The following CCDC73 variants were observed in gnomAD, a reference collection of about 807,000 sequenced individuals.
CCDC73 encodes coiled-coil domain containing 73, also known as coiled-coil domain-containing protein 73.
CCDC73 carries 95 observed loss-of-function variants against 116.5 expected under a neutral mutation model. The ratio of observed to expected loss-of-function variants is 0.82; its 90% CI spans 0.69 to 0.97. CCDC73 has a LOEUF of 0.97. Among genes scored for constraint, CCDC73 ranks in the 50% least tolerant of loss-of-function variants. CCDC73 has a pLI of 0.00. For missense variants in CCDC73, 1,066 were observed against 1,206.8 expected (o/e 0.88, Z 1.73); for synonymous variants, 398 against 401.3 (o/e 0.99, Z 0.10).
Position 32,626,345 on chromosome 11 carries a change from G to C in CCDC73, c.1185+9351C>G, listed in dbSNP as rs570914897. The stretch of plus-strand genomic sequence containing the variant: ...TAAAAGAGGATACAAACAAATGGAA[G>C]AACATTCCATGCTCATGGGTAGGAA... On this transcript the variant is annotated intron_variant, in intron 14 of 17. Transcript: ENST00000335185. Among the ~76,000 whole-genome samples the C allele has an allele frequency of 1.4e-3, 214 of 151,870 alleles. 1 individual carries two copies. The highest frequency in any genetic ancestry group is 3.4e-3 in the Middle Eastern group (1 of 294).
intron 14 of CCDC73, among the ~76,000 whole-genome samples, chr11:32,629,418 CTTT>C (rs35714596): frequency 2.1e-5 from 3 of 142,480 alleles, no homozygotes; most frequent in Non-Finnish European, 1.5e-5. Context: ...TATAAAGACA[CTTT>C]TTTTTTTTTT....
At chr11:32,730,242 A>G (rs1293358194) in intron 2 of CCDC73, among the ~76,000 whole-genome samples, 1 of 152,342 alleles carries the variant, frequency 6.6e-6, no homozygotes, top group East Asian at 1.9e-4. Flanking sequence ...TGCATTCCAC[A>G]TAGCAAACCC....
chr11:32,772,870 G>A (rs766243809), intron 1 of CCDC73, among the ~76,000 whole-genome samples: 1 of 152,146 alleles, frequency 6.6e-6, no homozygotes, highest in East Asian at 1.9e-4. Context: ...ATAAAATGGT[G>A]CAACCAGAAA....
intron 13 of CCDC73, among the ~76,000 whole-genome samples, chr11:32,637,010 TC>T (rs369733864): frequency 1.1e-3 from 91 of 85,206 alleles, no homozygotes; most frequent in Non-Finnish European, 2.0e-3. Flanking sequence ...TTTCACTTTT[TC>T]TTTTTCTTTT....
intron 4 of CCDC73, 26 bp from the exon 5 acceptor site, chr11:32,700,852 A>T: frequency 7.5e-7 from 1 of 1,328,818 alleles, no homozygotes. Context: ...AAAAATTAAA[A>T]TAAAGGGATC....
At chr11:32,754,902 T>C (rs1247892530) in intron 2 of CCDC73, among the ~76,000 whole-genome samples, 1 of 142,588 alleles carries the variant, frequency 7.0e-6, no homozygotes, top group Non-Finnish European at 1.5e-5. Flanking sequence ...TTTTTTTTTT[T>C]TCTGAGACAG....
At chr11:32,627,862 C>T (rs1013684480) in intron 14 of CCDC73, among the ~76,000 whole-genome samples, 22 of 152,176 alleles carry the variant, frequency 1.4e-4, no homozygotes, top group Non-Finnish European at 2.6e-4. Context: ...GGAGATATAC[C>T]TAATGTTAAA....
intron 9 of CCDC73, among the ~76,000 whole-genome samples, chr11:32,655,718 G>A (rs1324863631): frequency 6.6e-6 from 1 of 152,068 alleles, no homozygotes; most frequent in Non-Finnish European, 1.5e-5. Context: ...AAACAAAATG[G>A]GGAATTAACC....
rs1855290025 is a variant in CCDC73, at chr11:32,602,756, A to G, written c.*55T>C. On this transcript the variant is annotated 3_prime_UTR_variant, in exon 18 of 18. Transcript: ENST00000335185. ...TACAACAGTCATTTTATTCTAGTAA[A>G]AACTATACCAGAATTTCAGTTACAT... is the stretch of plus-strand genomic sequence containing the variant. 4 of 1,279,128 alleles carry G rather than the reference A, an allele frequency of 3.1e-6. No individual in the cohort carries two copies. Among genetic ancestry groups the G allele is most frequent in the Non-Finnish European group, 3.2e-6 (3 of 934,062 alleles). 79.2% of individuals were successfully genotyped at this position (1,279,128 alleles called of 1,614,324 possible). A position where few individuals can be genotyped will look rare whatever the true frequency, so the allele number is the denominator to read the frequency against.
intron 16 of CCDC73, among the ~76,000 whole-genome samples, chr11:32,612,304 A>C (rs1354938653): frequency 1.3e-5 from 2 of 152,204 alleles, no homozygotes; most frequent in African/African-American, 2.4e-5. Context: ...TGAGATTGCT[A>C]TTAAAAGAAA....
At chr11:32,655,025 C>CGTTTT (rs1397900078) in intron 9 of CCDC73, 53 bp from the exon 10 acceptor site, 1 of 1,072,782 alleles carries the variant, frequency 9.3e-7, no homozygotes, top group Non-Finnish European at 1.2e-6. Context: ...TTCACTAAAA[C>CGTTTT]AAGGTACTTT....
intron 14 of CCDC73, among the ~76,000 whole-genome samples, chr11:32,622,356 A>G (rs543045166): frequency 6.6e-6 from 1 of 152,274 alleles, no homozygotes; most frequent in East Asian, 1.9e-4. Flanking sequence ...CATGTCCTTT[A>G]TAAGGACATA....
intron 2 of CCDC73, among the ~76,000 whole-genome samples, chr11:32,724,573 T>C (rs1368231766): frequency 2.0e-5 from 2 of 99,392 alleles, no homozygotes; most frequent in Non-Finnish European, 2.1e-5. Flanking sequence ...ACTTTCAACT[T>C]ACTTCCGATT....
chr11:32,739,321 C>T (rs1053237359), intron 2 of CCDC73, among the ~76,000 whole-genome samples: 3 of 152,184 alleles, frequency 2.0e-5, no homozygotes, highest in African/African-American at 7.2e-5. Flanking sequence ...TCTTCCAAAC[C>T]ATGAACATGG....
At position 32,632,766 on chromosome 11, in the gene CCDC73, A is replaced by AAT. The variant is rs200288921; in HGVS notation, c.1185+2928_1185+2929dup. On this transcript the variant is annotated intron_variant, in intron 14 of 17. Transcript: ENST00000335185. Reference sequence around the variant, plus strand: ...GTGTATGTTGTGTATACTTTACTAAAATATATATATATAGTTTTTTTAACC... The same window carrying AAT: ...GTGTATGTTGTGTATACTTTACTAAAATATATATATATATAGTTTTTTTAACC... Among the ~76,000 whole-genome samples, 1,416 of 151,800 alleles carry AAT rather than the reference A, an allele frequency of 9.3e-3. 12 individuals are homozygous for AAT. The highest frequency in any genetic ancestry group is 0.012 in the Non-Finnish European group (839 of 67,874).
intron 12 of CCDC73, among the ~76,000 whole-genome samples, chr11:32,645,672 T>C (rs990165997): frequency 6.6e-6 from 1 of 152,118 alleles, no homozygotes; most frequent in Non-Finnish European, 1.5e-5. Flanking sequence ...CTGGTAACAG[T>C]CATTATTATC....
At chr11:32,636,234 T>C (rs1191798856) in intron 13 of CCDC73, among the ~76,000 whole-genome samples, 1 of 152,116 alleles carries the variant, frequency 6.6e-6, no homozygotes, top group Non-Finnish European at 1.5e-5. Context: ...AAACAAAAAA[T>C]TAAATTCATA....
chr11:32,813,550 G>A, the CCDC73 span, among the ~76,000 whole-genome samples: 1 of 152,126 alleles, frequency 6.6e-6, no homozygotes, highest in Non-Finnish European at 1.5e-5. Context: ...GAGTCACTGT[G>A]CTTTGGCCTA....
chr11:32,705,451 C>A (rs1232221379), intron 3 of CCDC73, among the ~76,000 whole-genome samples: 4 of 152,206 alleles, frequency 2.6e-5, no homozygotes, highest in Non-Finnish European at 5.9e-5. Flanking sequence ...CCAGTCACAG[C>A]CTCACACAGA....
Sources: allele counts gnomAD v4.1 joint callset (sites outside exome capture counted in the v4.1 genomes callset), GRCh38; gene constraint gnomAD v4.1.1; transcripts MANE v1.5; gene names NCBI Gene and HGNC (gene_info 2026-07-23, HGNC 2026-07-21).